The following MADCAM1 variants were observed in gnomAD, a reference collection of about 807,000 sequenced individuals.
MADCAM1 encodes the protein mucosal addressin cell adhesion molecule 1.
Under a neutral mutation model 26.1 loss-of-function variants are expected in MADCAM1, and 19 were observed. The ratio of observed to expected loss-of-function variants is 0.73; its 90% CI spans 0.51 to 1.07. MADCAM1 has a LOEUF of 1.07. MADCAM1 is among the 50% of genes least tolerant of loss of function. MADCAM1 has a pLI of 0.00. For missense variants in MADCAM1, 514 were observed against 542.1 expected, an observed-to-expected ratio of 0.95 and a Z score of 0.51; for synonymous variants, 268 against 260.9, an observed-to-expected ratio of 1.03 and a Z score of -0.26.
At chr19:499,778 G>A (rs12982122) in intron 3 of MADCAM1, 36 of 456,216 alleles carry the variant, frequency 7.9e-5, no homozygotes, top group Non-Finnish European at 1.5e-4. Context: ...ATGCTCGGAT[G>A]AAGACATTTA....
At chr19:498,376 G>A in intron 2 of MADCAM1, 120 bp from the exon 3 acceptor site, 2 of 1,127,058 alleles carry the variant, frequency 1.8e-6, no homozygotes, top group Non-Finnish European at 2.3e-6. Context: ...CCTACTGCCT[G>A]TTCATCAGCA....
At chr19:501,397 A>C (rs1978324063) in intron 3 of MADCAM1, 4 of 306,166 alleles carry the variant, frequency 1.3e-5, no homozygotes, top group Middle Eastern at 8.8e-4. Context: ...AGGCAGGGGA[A>C]TCGCTTGAAC....
chr19:498,936 G>A lies in MADCAM1; in HGVS notation c.667+111G>A, dbSNP rs372773001. The A allele has an allele frequency of 1.1e-4, 150 of 1,355,344 alleles. 1 individual carries two copies. The East Asian group carries it at 3.2e-3, about 29-fold the overall frequency. 84.0% of individuals were successfully genotyped at this position (1,355,344 alleles called of 1,614,324 possible). ...CACCTGTGCTGTGGGGCGCTGGGAG[G>A]ACTGGATTCCCCCACGCAGCGACAG... On this transcript the variant is annotated intron_variant, in intron 3 of 4. Transcript: ENST00000215637.
At position 498,755 on chromosome 19, in the gene MADCAM1, G is replaced by A. The variant is rs765430520; in HGVS notation, c.597G>A (p.Pro199=). ...WRLPPLGTPV[P]PALYCQATMR... ...TGCCGCCCCTGGGGACCCCTGTCCC[G>A]CCCGCCCTCTACTGCCAGGCCACGA... The change falls in exon 3 of 5, where the codon CCG becomes CCA. Residue 199 remains proline, a synonymous_variant. Coordinates refer to ENST00000215637, the MANE Select transcript of MADCAM1 (RefSeq NM_130760.3). 1.4e-5 allele frequency: 11 copies of A among 784,666 alleles called. No individual in the cohort carries two copies. Among genetic ancestry groups the A allele is most frequent in the South Asian group, 1.4e-4 (9 of 64,242 alleles). 48.6% of individuals were successfully genotyped at this position (784,666 alleles called of 1,614,324 possible).
chr19:503,075 G>T (rs906476230), intron 4 of MADCAM1, among the ~76,000 whole-genome samples: 1 of 152,206 alleles, frequency 6.6e-6, no homozygotes, highest in African/African-American at 2.4e-5. Flanking sequence ...CTGATAGGAG[G>T]CTTTAGAGTA....
chr19:498,596 G>T lies in MADCAM1; in HGVS notation c.438G>T (p.Ala146=). 6.7e-7 allele frequency: 1 copy of T among 1,481,984 alleles called. No homozygotes were observed. 91.8% of individuals were successfully genotyped at this position (1,481,984 alleles called of 1,614,324 possible). Residue 146 remains alanine, a synonymous_variant, in exon 3 of 5, where the codon GCG becomes GCT. Coordinates refer to ENST00000215637, the MANE Select transcript of MADCAM1 (RefSeq NM_130760.3). ...AAGTCACGCCCGTGGACCCCAACGC[G>T]CTCTCCTTCTCCCTGCTCGTCGGGG... ...AHKVTPVDPN[A]LSFSLLVGGQ...
chr19:504,973 G>T lies in MADCAM1; in HGVS notation c.*8G>T. On this transcript the variant is annotated 3_prime_UTR_variant, in exon 5 of 5. Transcript: ENST00000215637. ...GGGATCAGCCCCTCCTGAGTGGCCA[G>T]CCTTTCCCCCTGTGAAAGCAAAATA... 3 of 1,576,250 alleles carry T rather than the reference G, an allele frequency of 1.9e-6. No homozygotes were observed. In the South Asian group the frequency reaches 3.4e-5, roughly 18 times the overall value.
intron 4 of MADCAM1, among the ~76,000 whole-genome samples, chr19:503,824 G>C (rs1481606761): frequency 6.6e-6 from 1 of 152,018 alleles, no homozygotes. Flanking sequence ...CAAGGAGGAG[G>C]ATCACCTGAG....
rs767522760 is a variant in MADCAM1, at chr19:501,651, C to T, written c.668-18C>T. Reference sequence around the variant, plus strand: ...TGGGGCAGCAGAGAGGAAAAAAAAACCCTCACTCTGTTTCCAGTCCTGCAC... The same window carrying T: ...TGGGGCAGCAGAGAGGAAAAAAAAATCCTCACTCTGTTTCCAGTCCTGCAC... On this transcript the variant is annotated intron_variant, in intron 3 of 4. Coordinates refer to ENST00000215637, the MANE Select transcript of MADCAM1 (RefSeq NM_130760.3). 2 of 1,574,166 alleles carry T rather than the reference C, an allele frequency of 1.3e-6. No individual in the cohort carries two copies. The highest frequency in any genetic ancestry group is 1.9e-5 in the Admixed American group (1 of 53,108).
In MADCAM1 at chr19:498,102, C is replaced by T; in HGVS notation, c.322C>T (p.Gln108Ter). ...GGGCCGCACCTTCCAGCACACCGTGCAGCTCCTTGTGTACGGTGAGGCGTC... is the reference window on the plus strand; with the variant it reads ...GGGCCGCACCTTCCAGCACACCGTGTAGCTCCTTGTGTACGGTGAGGCGTC... ...CGGRTFQHTVQLLVYAFPDQL... is the reference protein window; with the variant it reads ...CGGRTFQHTV The change falls in exon 2 of 5, where the codon CAG (glutamine) becomes TAG (stop). Residue 108 changes from glutamine to a stop codon, truncating the protein, a stop_gained. Transcript: ENST00000215637. LOFTEE classifies it high-confidence loss of function. 2 of 1,384,482 alleles carry T rather than the reference C, an allele frequency of 1.4e-6. No individual in the cohort carries two copies. Among genetic ancestry groups the T allele is most frequent in the Non-Finnish European group, 9.3e-7 (1 of 1,070,716 alleles). The allele number at this position is 1,384,482 out of a possible 1,614,324, so 85.8% of individuals were successfully genotyped here.
chr19:499,298 C>T (rs1189298430), intron 3 of MADCAM1: 1 of 458,920 alleles, frequency 2.2e-6, no homozygotes, highest in South Asian at 1.5e-5. Context: ...CTCTCCTCCT[C>T]CCCCTCAGGT....
intron 4 of MADCAM1, among the ~76,000 whole-genome samples, chr19:503,960 C>T (rs538471023): frequency 1.3e-4 from 20 of 151,278 alleles, no homozygotes; most frequent in African/African-American, 4.9e-4. Context: ...GAGGCTGAAG[C>T]AGGAGAATCA....
chr19:499,586 TTC>T (rs1360771910), intron 3 of MADCAM1, among the ~76,000 whole-genome samples: 2 of 152,214 alleles, frequency 1.3e-5, no homozygotes, highest in African/African-American at 4.8e-5. Context: ...CCCCTTTCCC[TTC>T]TGTTTCGTTT....
chr19:502,228 G>A (rs949528996), intron 4 of MADCAM1, among the ~76,000 whole-genome samples: 3 of 151,118 alleles, frequency 2.0e-5, no homozygotes, highest in Non-Finnish European at 4.4e-5. Context: ...CAAGGCACTT[G>A]GTAAATTCTA....
At position 498,552 on chromosome 19, in the gene MADCAM1, G is replaced by T; in HGVS notation, c.394G>T (p.Val132Leu). 2 of 1,472,380 alleles carry T rather than the reference G, an allele frequency of 1.4e-6. No individual in the cohort carries two copies. The highest frequency in any genetic ancestry group is 1.8e-6 in the Non-Finnish European group (2 of 1,116,870). 91.2% of individuals were successfully genotyped at this position (1,472,380 alleles called of 1,614,324 possible). The change falls in exon 3 of 5, where the codon GTG (valine) becomes TTG (leucine). Residue 132 changes from valine (V) to leucine (L), a missense_variant. By Grantham distance (32) the Val-to-Leu change is conservative. Transcript: ENST00000215637. ...AGCCCTGGTGCCTGGTGACCCGGAG[G>T]TGGCCTGTACGGCCCACAAAGTCAC... The part of the protein sequence containing the change: ...PAALVPGDPE[V>L]ACTAHKVTPV...
At chr19:497,477 G>T (rs1978291301) in intron 1 of MADCAM1, among the ~76,000 whole-genome samples, 1 of 147,380 alleles carries the variant, frequency 6.8e-6, no homozygotes, top group Non-Finnish European at 1.5e-5. Context: ...GGTGCTCAGA[G>T]TTAAGGGGCT....
chr19:498,998 C>A, intron 3 of MADCAM1, 173 bp downstream of exon 3: 3 of 1,025,262 alleles, frequency 2.9e-6, no homozygotes, highest in Admixed American at 2.1e-5. Context: ...TGCCGAGCAC[C>A]TGCCCCCCAG....
rs559623813 is a variant in MADCAM1, at chr19:498,556, C to T, written c.398C>T (p.Ala133Val). The T allele has an allele frequency of 1.6e-5, 24 of 1,477,418 alleles. No individual in the cohort carries two copies. In the East Asian group the frequency reaches 5.7e-4, roughly 35 times the overall value. 91.5% of individuals were successfully genotyped at this position (1,477,418 alleles called of 1,614,324 possible). A position where few individuals can be genotyped will look rare whatever the true frequency, so the allele number is the denominator to read the frequency against. The change falls in exon 3 of 5, where the codon GCC becomes GTC. Residue 133 changes from alanine (A) to valine (V), a missense_variant. Ala to Val is a moderately conservative substitution (Grantham distance 64, BLOSUM62 0). Coordinates refer to ENST00000215637, the MANE Select transcript of MADCAM1 (RefSeq NM_130760.3). ...AALVPGDPEVACTAHKVTPVD... is the reference protein window; with the variant it reads ...AALVPGDPEVVCTAHKVTPVD... ...CTGGTGCCTGGTGACCCGGAGGTGG[C>T]CTGTACGGCCCACAAAGTCACGCCC...
intron 3 of MADCAM1, chr19:499,447 G>GGCACACAC: frequency 2.2e-6 from 1 of 445,240 alleles, no homozygotes; most frequent in Admixed American, 2.4e-5. Flanking sequence ...CGTGCACACA[G>GGCACACAC]GCACACACGC....
Sources: allele counts gnomAD v4.1 joint callset (sites outside exome capture counted in the v4.1 genomes callset), GRCh38; gene constraint gnomAD v4.1.1; transcripts MANE v1.5; gene names NCBI Gene and HGNC (gene_info 2026-07-23, HGNC 2026-07-21).